The following NFIB variants were observed in gnomAD, a reference collection of about 807,000 sequenced individuals.
NFIB encodes nuclear factor I B, also known as nuclear factor 1 B-type.
Under a neutral mutation model 61.5 loss-of-function variants are expected in NFIB, and 11 were observed. The ratio of observed to expected loss-of-function variants is 0.18; its 90% CI spans 0.11 to 0.30. The LOEUF (loss-of-function observed/expected upper bound fraction) is 0.30, where lower values mean the gene tolerates loss of function less well. NFIB is among the 10% of genes least tolerant of loss of function. NFIB has a pLI of 1.00. For missense variants in NFIB, 471 were observed against 608.9 expected (o/e 0.77, Z 2.38); for synonymous variants, 260 against 216.5 (o/e 1.20, Z -1.76).
the NFIB span, among the ~76,000 whole-genome samples, chr9:14,488,889 T>C: frequency 3.8e-4 from 58 of 152,346 alleles, no homozygotes; most frequent in South Asian, 1.7e-3. Flanking sequence ...ATATGCTTTC[T>C]CTGTTCTCTG....
the NFIB span, among the ~76,000 whole-genome samples, chr9:14,435,727 T>C: frequency 6.6e-6 from 1 of 152,112 alleles, no homozygotes; most frequent in Non-Finnish European, 1.5e-5. Flanking sequence ...AACAAACCAA[T>C]AGAATTAAAT....
chr9:14,089,195 C>T (rs2118493964), intron 10 of NFIB, among the ~76,000 whole-genome samples: 1 of 152,138 alleles, frequency 6.6e-6, no homozygotes, highest in East Asian at 1.9e-4. Context: ...CTGAGCATTT[C>T]CTGCTCCTCC....
chr9:14,164,251 T>C (rs10961399), intron 3 of NFIB, among the ~76,000 whole-genome samples: 105,141 of 152,010 alleles, frequency 0.69, 41,018 homozygotes, highest in South Asian at 0.92. Context: ...AATGGCTTAA[T>C]GGCAGGGACA....
At chr9:14,254,548 T>C (rs770810676) in intron 2 of NFIB, among the ~76,000 whole-genome samples, 3 of 152,170 alleles carry the variant, frequency 2.0e-5, no homozygotes, top group Non-Finnish European at 4.4e-5. Context: ...GTTTGCTGAT[T>C]TGAAGTGAAA....
chr9:14,371,710 A>T (rs921392813), intron 1 of NFIB, among the ~76,000 whole-genome samples: 2 of 152,230 alleles, frequency 1.3e-5, no homozygotes, highest in African/African-American at 4.8e-5. Flanking sequence ...AGGAGTGGCC[A>T]TTCCTATTCA....
At chr9:14,332,961 G>A (rs1264419326) in intron 1 of NFIB, among the ~76,000 whole-genome samples, 2 of 152,156 alleles carry the variant, frequency 1.3e-5, no homozygotes, top group Non-Finnish European at 2.9e-5. Flanking sequence ...TCAAAAGAAG[G>A]AAATGAGAAG....
intron 7 of NFIB, among the ~76,000 whole-genome samples, chr9:14,123,632 T>C (rs1586846336): frequency 6.6e-6 from 1 of 152,218 alleles, no homozygotes; most frequent in Admixed American, 6.5e-5. Flanking sequence ...TCCTTGGCTA[T>C]ATGGCAGTTG....
intron 2 of NFIB, among the ~76,000 whole-genome samples, chr9:14,182,605 A>G (rs2046896756): frequency 6.6e-6 from 1 of 151,256 alleles, no homozygotes; most frequent in Admixed American, 6.6e-5. Context: ...ACCCCTTCCA[A>G]TTCACCACCT....
chr9:14,321,099 C>T (rs2060649108), intron 1 of NFIB, among the ~76,000 whole-genome samples: 1 of 152,120 alleles, frequency 6.6e-6, no homozygotes, highest in Admixed American at 6.5e-5. Context: ...CTTCCCCGCC[C>T]CCTTCAATCT....
intron 2 of NFIB, among the ~76,000 whole-genome samples, chr9:14,216,303 G>T (rs1436888214): frequency 1.3e-5 from 2 of 152,124 alleles, no homozygotes; most frequent in East Asian, 1.9e-4. Flanking sequence ...TATCCCACTG[G>T]AAAGGTGTGC....
At chr9:14,437,258 A>G in the NFIB span, among the ~76,000 whole-genome samples, 6 of 152,244 alleles carry the variant, frequency 3.9e-5, no homozygotes, top group African/African-American at 1.4e-4. Flanking sequence ...AAAAACACCT[A>G]TTCAAAGCAG....
intron 1 of NFIB, chr9:14,322,181 G>A (rs1173516713): frequency 6.9e-6 from 8 of 1,151,216 alleles, no homozygotes; most frequent in African/African-American, 3.2e-5. Flanking sequence ...AAGAAAAGGC[G>A]GTCAAAGTCA....
chr9:14,315,093 A>G (rs2132776359), upstream of NFIB, among the ~76,000 whole-genome samples: 2 of 152,080 alleles, frequency 1.3e-5, 1 homozygote, highest in South Asian at 4.1e-4. Flanking sequence ...GAGGCCGAGC[A>G]GGCGGGGACC....
At chr9:14,100,004 C>T (rs191425639) in intron 10 of NFIB, among the ~76,000 whole-genome samples, 10 of 151,960 alleles carry the variant, frequency 6.6e-5, no homozygotes, top group African/African-American at 2.2e-4. Context: ...ACCTGGGAAG[C>T]GGAGGTTGCA....
upstream of NFIB, among the ~76,000 whole-genome samples, chr9:14,318,149 T>A (rs537520441): frequency 1.1e-4 from 16 of 152,286 alleles, no homozygotes; most frequent in East Asian, 2.9e-3. Context: ...AACTCTGTTA[T>A]TTCAGTATTC....
chr9:14,176,609 G>T (rs1387409918), intron 3 of NFIB, among the ~76,000 whole-genome samples: 2 of 151,954 alleles, frequency 1.3e-5, no homozygotes, highest in African/African-American at 2.4e-5. Flanking sequence ...TTCCAAAAAT[G>T]CGTTGCCTTT....
At chr9:14,461,817 G>C in the NFIB span, among the ~76,000 whole-genome samples, 1 of 152,190 alleles carries the variant, frequency 6.6e-6, no homozygotes, top group Admixed American at 6.5e-5. Context: ...GATCTTAAGT[G>C]GGTGCTCTAG....
chr9:14,143,514 G>T (rs1173432034), intron 6 of NFIB, among the ~76,000 whole-genome samples: 1 of 152,100 alleles, frequency 6.6e-6, no homozygotes, highest in African/African-American at 2.4e-5. Context: ...GTCAAGAACA[G>T]ATTTTAATGC....
chr9:14,310,810 G>A (rs1350334840), intron 1 of NFIB, among the ~76,000 whole-genome samples: 2 of 152,042 alleles, frequency 1.3e-5, no homozygotes, highest in African/African-American at 4.8e-5. Flanking sequence ...ACCAATTTCA[G>A]ATATAAAAAT....
Sources: gnomAD v4.1 joint callset for allele counts (sites outside exome capture counted in the v4.1 genomes callset) on GRCh38, gnomAD v4.1.1 for gene constraint, MANE v1.5 for transcripts, NCBI Gene and HGNC (gene_info 2026-07-23, HGNC 2026-07-21) for gene names.